POU2F3: variants seen among roughly 807,000 people sequenced by gnomAD.
The protein encoded by POU2F3 is POU class 2 homeobox 3.
POU2F3 carries 23 observed loss-of-function variants against 59.2 expected under a neutral mutation model. The ratio of observed to expected loss-of-function variants is 0.39; its 90% CI spans 0.28 to 0.55. The LOEUF is 0.55. Among genes scored for constraint, POU2F3 ranks in the 20% least tolerant of loss-of-function variants. The pLI is 0.66. For synonymous variants in POU2F3, 190 were observed against 214.6 expected, an observed-to-expected ratio of 0.89 and a Z score of 1.00; for missense variants, 473 against 544.5, an observed-to-expected ratio of 0.87 and a Z score of 1.31.
chr11:120,295,537 C>G (rs1014847851), intron 3 of POU2F3, among the ~76,000 whole-genome samples: 10 of 152,220 alleles, frequency 6.6e-5, no homozygotes, highest in Non-Finnish European at 1.2e-4. Flanking sequence ...AATCCCCTCT[C>G]AGATCAAACC....
chr11:120,261,225 CT>C (rs1939592456), intron 2 of POU2F3: 1 of 150,924 alleles, frequency 6.6e-6, no homozygotes, highest in East Asian at 2.0e-4. Flanking sequence ...TTGCCTCCCC[CT>C]GAGGATCATT....
At chr11:120,291,649 C>T (rs1247311357) in intron 3 of POU2F3, among the ~76,000 whole-genome samples, 1 of 152,188 alleles carries the variant, frequency 6.6e-6, no homozygotes, top group Non-Finnish European at 1.5e-5. Flanking sequence ...GAAATCTCAG[C>T]TTCATTATTT....
chr11:120,307,689 C>G (rs1375667046), intron 9 of POU2F3, 74 bp downstream of exon 9: 1 of 1,579,286 alleles, frequency 6.3e-7, no homozygotes, highest in Non-Finnish European at 8.6e-7. Context: ...GCCCAGGCCC[C>G]TTGGCACCAG....
chr11:120,269,381 G>A (rs946733040), intron 3 of POU2F3, 137 bp downstream of exon 3: 2 of 702,274 alleles, frequency 2.8e-6, no homozygotes, highest in Non-Finnish European at 2.3e-6. Flanking sequence ...AGGATCAAAG[G>A]ACCTTGAGCC....
chr11:120,239,409 G>A (rs1016802120), upstream of POU2F3, among the ~76,000 whole-genome samples: 9 of 152,150 alleles, frequency 5.9e-5, no homozygotes, highest in African/African-American at 4.8e-5. Flanking sequence ...TGAGCAAGCC[G>A]CTTCCCCGCT....
At chr11:120,262,463 T>C (rs1939639379) in intron 2 of POU2F3, among the ~76,000 whole-genome samples, 1 of 152,244 alleles carries the variant, frequency 6.6e-6, no homozygotes, top group Non-Finnish European at 1.5e-5. Flanking sequence ...AATATTTTCT[T>C]TTAAATTACA....
rs1384655368 is a variant in POU2F3 at position 120,285,148 on chromosome 11, T to A, written c.133-13117T>A. On this transcript the variant is annotated intron_variant, in intron 3 of 12. Coordinates refer to ENST00000543440, the MANE Select transcript of POU2F3 (RefSeq NM_014352.4). The surrounding 1 kb of genome is among the most constrained non-coding windows in gnomAD (Gnocchi z 4.3). ...TATTTGGCAAAATAAAACAACTGTATCTGACTCTAAAAAAAGAAATGTTTA... is the reference window on the plus strand; with the variant it reads ...TATTTGGCAAAATAAAACAACTGTAACTGACTCTAAAAAAAGAAATGTTTA... Among the ~76,000 whole-genome samples, 1 of 152,178 alleles carries A rather than the reference T, an allele frequency of 6.6e-6. No homozygotes were observed. Among genetic ancestry groups the A allele is most frequent in the African/African-American group, 2.4e-5 (1 of 41,442 alleles).
At chr11:120,302,053 G>A in intron 5 of POU2F3, 1 of 498,760 alleles carries the variant, frequency 2.0e-6, no homozygotes, top group Non-Finnish European at 3.6e-6. Flanking sequence ...GGACTGGTTT[G>A]GGGACTGCTG....
At chr11:120,298,755 T>C (rs116635013) in intron 4 of POU2F3, among the ~76,000 whole-genome samples, 2,762 of 152,176 alleles carry the variant, frequency 0.018, 86 homozygotes, top group African/African-American at 0.061. Context: ...CTAAGGTTTT[T>C]TGTTAGAGCC....
Position 120,240,257 on chromosome 11 carries a change from AAGGAGACCCTGGCTTCGC to A in POU2F3, c.-83_-66del. The A allele has an allele frequency of 1.6e-6, 2 of 1,262,444 alleles. No individual in the cohort carries two copies. The allele number at this position is 1,262,444 out of a possible 1,614,324, so 78.2% of individuals were successfully genotyped here. A position where few individuals can be genotyped will look rare whatever the true frequency, so the allele number is the denominator to read the frequency against. On this transcript the variant is annotated 5_prime_UTR_variant, in exon 1 of 13. Coordinates refer to ENST00000543440, the MANE Select transcript of POU2F3 (RefSeq NM_014352.4). ...GGCGGCGGCGGCCGGGAACTGGAGG[AAGGAGACCCTGGCTTCGC>A]AGGGGCCCCGGCTGGGGCAGAGGCG...
intron 1 of POU2F3, among the ~76,000 whole-genome samples, chr11:120,244,600 G>A (rs1305967895): frequency 1.3e-5 from 2 of 152,198 alleles, no homozygotes; most frequent in Non-Finnish European, 2.9e-5. Context: ...GAAGCAAATT[G>A]AAACCACCAG....
chr11:120,251,183 A>G (rs1365608789), intron 2 of POU2F3, among the ~76,000 whole-genome samples: 1 of 152,128 alleles, frequency 6.6e-6, no homozygotes, highest in South Asian at 2.1e-4. Context: ...TATGTTGCCC[A>G]AGCTGGTCTT....
chr11:120,316,376 A>T (rs1052483338), intron 11 of POU2F3, among the ~76,000 whole-genome samples: 2 of 152,224 alleles, frequency 1.3e-5, no homozygotes, highest in African/African-American at 4.8e-5. Flanking sequence ...ATGGCTGGGG[A>T]CCAAGACAGG....
In POU2F3 at chr11:120,246,507, G is replaced by C. The variant is rs767789334; in HGVS notation, c.87G>C (p.Gln29His). Residue 29 changes from glutamine (Q) to histidine (H), a missense_variant, in exon 2 of 13, where the codon CAG becomes CAC. By Grantham distance (24) the Gln-to-His change is conservative. Coordinates refer to ENST00000543440, the MANE Select transcript of POU2F3 (RefSeq NM_014352.4). ...CGGATGCTCGCAGCACTCTCAGCCA[G>C]GTGGAGCCAGGTAAGGGTCTTCTCT... ...DSTDARSTLS[Q>H]VEPGNDRNGL... 6.2e-7 allele frequency: 1 copy of C among 1,613,836 alleles called. No homozygotes were observed. The highest frequency in any genetic ancestry group is 8.5e-7 in the Non-Finnish European group (1 of 1,180,014).
chr11:120,288,523 C>G (rs947243146), intron 3 of POU2F3, among the ~76,000 whole-genome samples: 1 of 152,132 alleles, frequency 6.6e-6, no homozygotes, highest in South Asian at 2.1e-4. Context: ...CTCCTGCTAG[C>G]CAACATGTGC....
At chr11:120,297,800 T>C (rs1941230617) in intron 3 of POU2F3, among the ~76,000 whole-genome samples, 1 of 152,164 alleles carries the variant, frequency 6.6e-6, no homozygotes, top group Non-Finnish European at 1.5e-5. Context: ...AGACAGGGTC[T>C]CACTGTGTCA....
At chr11:120,239,074 CA>C (rs776195806), upstream of POU2F3, among the ~76,000 whole-genome samples, 2 of 152,050 alleles carry the variant, frequency 1.3e-5, no homozygotes, top group East Asian at 3.9e-4. Flanking sequence ...ATGGGCGTGC[CA>C]GGGGGAAAGG....
rs143843036 is a variant in POU2F3 at position 120,302,363 on chromosome 11, T to A, written c.439T>A (p.Ser147Thr). 94 of 1,601,714 alleles carry A rather than the reference T, an allele frequency of 5.9e-5. No homozygotes were observed. The African/African-American group carries it at 1.1e-3, about 19-fold the overall frequency. The change falls in exon 6 of 13, where the codon TCC becomes ACC. Residue 147 changes from serine (S) to threonine (T), a missense_variant. Transcript: ENST00000543440. ...CCCACAGACTGGGCCGGGACTGGCATCCCAGGTAAACAACCCCATTCTTCC... is the reference window on the plus strand; with the variant it reads ...CCCACAGACTGGGCCGGGACTGGCAACCCAGGTAAACAACCCCATTCTTCC... ...LLPQTGPGLA[S>T]QAFGHPGLPG...
At position 120,305,086 on chromosome 11, in the gene POU2F3, C is replaced by T. The variant is rs757771280; in HGVS notation, c.501C>T (p.Ser167=). ...GSSLEPHLEA[S]QHLPVPKHLP... ...CTTTAGAACCCCACCTGGAAGCATC[C>T]CAGCATCTCCCAGTGCCCAAGCATC... Residue 167 remains serine, a synonymous_variant, in exon 7 of 13, where the codon TCC becomes TCT. Transcript: ENST00000543440. 6 of 1,613,802 alleles carry T rather than the reference C, an allele frequency of 3.7e-6. No homozygotes were observed. In the East Asian group the frequency reaches 1.1e-4, roughly 30 times the overall value.
Sources: allele counts gnomAD v4.1 joint callset (sites outside exome capture counted in the v4.1 genomes callset), GRCh38; gene constraint gnomAD v4.1.1; non-coding constraint Gnocchi (gnomAD v3.1); transcripts MANE v1.5; gene names NCBI Gene and HGNC (gene_info 2026-07-23, HGNC 2026-07-21).